Variants in LPGAT1 observed in about 807,000 individuals in gnomAD.
LPGAT1 encodes the protein acyl-CoA:lysophosphatidylglycerol acyltransferase 1.
In LPGAT1, 11 loss-of-function variants were observed where a neutral mutation model predicts 47.5. That is an observed-to-expected ratio of 0.23 (90% confidence interval 0.15 to 0.38). LPGAT1 has a LOEUF of 0.38. LPGAT1 is among the 10% of genes least tolerant of loss of function. LPGAT1 has a pLI of 1.00. For synonymous variants in LPGAT1, 138 were observed against 144.2 expected (o/e 0.96, Z 0.31); for missense variants, 293 against 439.0 (o/e 0.67, Z 2.97).
chr1:211,756,383 C>T (rs949018548), intron 6 of LPGAT1, among the ~76,000 whole-genome samples: 5 of 152,140 alleles, frequency 3.3e-5, no homozygotes, highest in Admixed American at 1.3e-4. Context: ...CAGGCTGGAG[C>T]GTAGTGGCAT....
intron 6 of LPGAT1, among the ~76,000 whole-genome samples, chr1:211,758,544 A>G (rs890452623): frequency 6.6e-6 from 1 of 152,128 alleles, no homozygotes; most frequent in Non-Finnish European, 1.5e-5. Flanking sequence ...TCTACTAAAA[A>G]TACAAAAAAT....
chr1:211,778,234 C>T (rs556444747), intron 6 of LPGAT1, among the ~76,000 whole-genome samples: 7 of 151,076 alleles, frequency 4.6e-5, no homozygotes, highest in African/African-American at 1.7e-4. Flanking sequence ...CCCAGTTACT[C>T]GGGAGGCTGA....
At chr1:211,794,188 T>C (rs1335286928) in intron 2 of LPGAT1, among the ~76,000 whole-genome samples, 2 of 152,182 alleles carry the variant, frequency 1.3e-5, no homozygotes, top group African/African-American at 4.8e-5. Flanking sequence ...CTAATACAAA[T>C]GCCAAATTAT....
intron 6 of LPGAT1, among the ~76,000 whole-genome samples, chr1:211,774,972 A>T (rs6677888): frequency 0.97 from 147,156 of 150,978 alleles, 71,729 homozygotes; most frequent in East Asian, 1. Flanking sequence ...ATTTTTTTTT[A>T]AAAAAAAGAA....
At chr1:211,759,101 A>G (rs146983684) in intron 6 of LPGAT1, among the ~76,000 whole-genome samples, 1 of 152,310 alleles carries the variant, frequency 6.6e-6, no homozygotes, top group Non-Finnish European at 1.5e-5. Context: ...TTTATCTTGC[A>G]TCTATAACCA....
intron 2 of LPGAT1, among the ~76,000 whole-genome samples, chr1:211,827,079 C>A (rs762440202): frequency 6.6e-6 from 1 of 152,142 alleles, no homozygotes; most frequent in African/African-American, 2.4e-5. Context: ...TGACTATTTT[C>A]TTTTATGATC....
Position 211,745,090 on chromosome 1 carries a change from A to G in LPGAT1, c.*4809T>C, listed in dbSNP as rs1217407308. ...TTGGTGTTCACATCTAAATTTCTGA[A>G]AAGGTGATCTGGTTACCAAAATCAT... On this transcript the variant is annotated 3_prime_UTR_variant, in exon 8 of 8. Coordinates refer to ENST00000366997, the MANE Select transcript of LPGAT1 (RefSeq NM_014873.3). 1 of 152,644 alleles carries G rather than the reference A, an allele frequency of 6.6e-6. No individual in the cohort carries two copies. Among genetic ancestry groups the G allele is most frequent in the Non-Finnish European group, 1.5e-5 (1 of 68,030 alleles). The allele number at this position is 152,644 out of a possible 1,614,324, so 9.5% of individuals were successfully genotyped here. A position where few individuals can be genotyped will look rare whatever the true frequency, so the allele number is the denominator to read the frequency against.
chr1:211,784,369 T>C (rs1658761991), intron 4 of LPGAT1, among the ~76,000 whole-genome samples: 2 of 151,824 alleles, frequency 1.3e-5, no homozygotes, highest in South Asian at 4.2e-4. Context: ...GCACATTTAG[T>C]GGTCCCAGCT....
intron 2 of LPGAT1, among the ~76,000 whole-genome samples, chr1:211,794,571 A>G (rs1358401304): frequency 2.0e-5 from 3 of 152,150 alleles, no homozygotes; most frequent in Non-Finnish European, 4.4e-5. Flanking sequence ...CTCTCAAAGT[A>G]TTGACATTAC....
intron 1 of LPGAT1, chr1:211,829,818 C>A: frequency 1.0e-6 from 1 of 985,678 alleles, no homozygotes; most frequent in Non-Finnish European, 1.2e-6. Flanking sequence ...CTGGCTCTAG[C>A]GAAGAGTTAC....
chr1:211,763,064 G>A (rs774612905), intron 6 of LPGAT1, among the ~76,000 whole-genome samples: 11 of 152,212 alleles, frequency 7.2e-5, no homozygotes, highest in Non-Finnish European at 1.2e-4. Flanking sequence ...GAACTACTGC[G>A]TGAGTTTAAA....
intron 2 of LPGAT1, among the ~76,000 whole-genome samples, chr1:211,803,685 T>G (rs1158607618): frequency 6.6e-6 from 1 of 151,820 alleles, no homozygotes; most frequent in African/African-American, 2.4e-5. Context: ...AAAGAAAAAC[T>G]CCAAATACTG....
chr1:211,751,570 C>G (rs1657187010), intron 6 of LPGAT1, among the ~76,000 whole-genome samples: 1 of 152,072 alleles, frequency 6.6e-6, no homozygotes, highest in Admixed American at 6.6e-5. Flanking sequence ...ATAGGGGTAA[C>G]TTTTACCGGT....
intron 6 of LPGAT1, among the ~76,000 whole-genome samples, chr1:211,775,177 C>T (rs1370125407): frequency 6.6e-6 from 1 of 152,096 alleles, no homozygotes; most frequent in Non-Finnish European, 1.5e-5. Flanking sequence ...TCTAGCCAGG[C>T]GTGGTGGCAG....
chr1:211,783,258 C>G lies in LPGAT1; in HGVS notation c.698G>C (p.Ser233Thr), dbSNP rs781025740. 6.2e-7 allele frequency: 1 copy of G among 1,612,500 alleles called. No individual in the cohort carries two copies. Among genetic ancestry groups the G allele is most frequent in the African/African-American group, 1.3e-5 (1 of 74,894 alleles). Residue 233 changes from serine (S) to threonine (T), a missense_variant, in exon 5 of 8, where the codon AGT becomes ACT. Transcript: ENST00000366997. ...NALVAQQKNGSPAGGDAKELD... is the reference protein window; with the variant it reads ...NALVAQQKNGTPAGGDAKELD... Reference sequence around the variant, plus strand: ...TTCTTTAGCATCTCCTCCTGCTGGACTTCCATTTTTCTGTTGTGCTACAAG... The same window carrying G: ...TTCTTTAGCATCTCCTCCTGCTGGAGTTCCATTTTTCTGTTGTGCTACAAG...
chr1:211,784,786 A>G (rs1477875173), intron 4 of LPGAT1, among the ~76,000 whole-genome samples: 4 of 150,764 alleles, frequency 2.7e-5, no homozygotes, highest in East Asian at 2.0e-4. Flanking sequence ...TTACAACTAA[A>G]TATCACAAAG....
rs919112749 is a variant in LPGAT1 at position 211,793,205 on chromosome 1, A to G, written c.239-15T>C. On this transcript the variant is annotated splice_polypyrimidine_tract_variant and intron_variant, in intron 2 of 7. Transcript: ENST00000366997. ...CCATTCCATCACTGTAAGAACAAAA[A>G]AGTTTCAAAGCTGTCATTTTAAAGA... 2 of 1,545,900 alleles carry G rather than the reference A, an allele frequency of 1.3e-6. No individual in the cohort carries two copies. Among genetic ancestry groups the G allele is most frequent in the African/African-American group, 2.7e-5 (2 of 72,776 alleles).
At chr1:211,757,019 G>A (rs529142218) in intron 6 of LPGAT1, among the ~76,000 whole-genome samples, 1 of 152,154 alleles carries the variant, frequency 6.6e-6, no homozygotes, top group East Asian at 1.9e-4. Context: ...AGGACTTTGG[G>A]AGGCTGAGGT....
At position 211,746,284 on chromosome 1, in the gene LPGAT1, C is replaced by T. The variant is rs1185396067; in HGVS notation, c.*3615G>A. The T allele has an allele frequency of 6.6e-6, 1 of 152,608 alleles. No homozygotes were observed. The highest frequency in any genetic ancestry group is 1.5e-5 in the Non-Finnish European group (1 of 68,028). The allele number at this position is 152,608 out of a possible 1,614,324, so 9.5% of individuals were successfully genotyped here. A position where few individuals can be genotyped will look rare whatever the true frequency, so the allele number is the denominator to read the frequency against. ...TTCCCAGGTTTACATTTGGTGATTT[C>T]AGATTTCATTTTCATAAAAAGGCTT... On this transcript the variant is annotated 3_prime_UTR_variant, in exon 8 of 8. Coordinates refer to ENST00000366997, the MANE Select transcript of LPGAT1 (RefSeq NM_014873.3).
Sources: gnomAD v4.1 joint callset for allele counts (sites outside exome capture counted in the v4.1 genomes callset) on GRCh38, gnomAD v4.1.1 for gene constraint, MANE v1.5 for transcripts, NCBI Gene and HGNC (gene_info 2026-07-23, HGNC 2026-07-21) for gene names.